ABL2: variants seen among roughly 807,000 people sequenced by gnomAD.
ABL2 encodes ABL proto-oncogene 2, non-receptor tyrosine kinase.
A neutral mutation model predicts 107.7 loss-of-function variants in ABL2; 49 were observed. The observed-to-expected ratio is 0.45, with a 90% CI of 0.36 to 0.58. The LOEUF is 0.58. Among genes scored for constraint, ABL2 ranks in the 20% least tolerant of loss-of-function variants. The pLI, the probability that ABL2 is intolerant of heterozygous loss-of-function variation, is 0.00. For missense variants in ABL2, 1,245 were observed against 1,457.0 expected, an observed-to-expected ratio of 0.85 and a Z score of 2.37; for synonymous variants, 549 against 548.6, an observed-to-expected ratio of 1.00 and a Z score of -0.01.
rs1038228970 is a variant in ABL2, at chr1:179,107,359, G to C, written c.*359C>G. 28 of 275,780 alleles carry C rather than the reference G, an allele frequency of 1.0e-4. No individual in the cohort carries two copies. Among genetic ancestry groups the C allele is most frequent in the Non-Finnish European group, 1.7e-4 (25 of 144,110 alleles). 17.1% of individuals were successfully genotyped at this position (275,780 alleles called of 1,614,324 possible). ...AGTACCTACCAGAGCCCCAGGTCTG[G>C]GTGCAGCTGCTGCAGTCTTGCTGAG... is the stretch of plus-strand genomic sequence containing the variant. On this transcript the variant is annotated 3_prime_UTR_variant, in exon 12 of 12. Coordinates refer to ENST00000502732, the MANE Select transcript of ABL2 (RefSeq NM_007314.4).
In ABL2 at chr1:179,100,235, C is replaced by T. The variant is rs751624065; in HGVS notation, c.*7483G>A. On this transcript the variant is annotated 3_prime_UTR_variant, in exon 12 of 12. Transcript: ENST00000502732. ...GCCAAATGGCCACAGTGAGAAATTGCTGTCAAAATGGAGGAGAGCTGGTTT... is the reference window on the plus strand; with the variant it reads ...GCCAAATGGCCACAGTGAGAAATTGTTGTCAAAATGGAGGAGAGCTGGTTT... The T allele has an allele frequency of 3.1e-5, 7 of 227,752 alleles. No homozygotes were observed. Among genetic ancestry groups the T allele is most frequent in the Non-Finnish European group, 5.2e-5 (6 of 114,746 alleles). The allele number at this position is 227,752 out of a possible 1,614,324, so 14.1% of individuals were successfully genotyped here.
chr1:179,104,337 T>G lies in ABL2; in HGVS notation c.*3381A>C, dbSNP rs1220242175. The G allele has an allele frequency of 4.4e-6, 1 of 226,138 alleles. No individual in the cohort carries two copies. The highest frequency in any genetic ancestry group is 5.7e-5 in the Admixed American group (1 of 17,534). 14.0% of individuals were successfully genotyped at this position (226,138 alleles called of 1,614,324 possible). ...AAACCACTATCTATACTGCATCCTTTAAACTCAAAATCTCCATGACTTTAG... is the reference window on the plus strand; with the variant it reads ...AAACCACTATCTATACTGCATCCTTGAAACTCAAAATCTCCATGACTTTAG... On this transcript the variant is annotated 3_prime_UTR_variant, in exon 12 of 12. Transcript: ENST00000502732.
In ABL2 at chr1:179,229,646, G is replaced by GCCGCCGCCGCCA. The variant is rs1553236280; in HGVS notation, c.-250_-249insTGGCGGCGGCGG. On this transcript the variant is annotated 5_prime_UTR_variant, in exon 1 of 12. Coordinates refer to ENST00000502732, the MANE Select transcript of ABL2 (RefSeq NM_007314.4). ...CCGCGCCCCCAACGCCGCCGCCGCC[G>GCCGCCGCCGCCA]CCGCCGCCACCGCCGCCGCCATCTT... 6.1e-6 allele frequency: 3 copies of GCCGCCGCCGCCA among 495,858 alleles called. No homozygotes were observed. The highest frequency in any genetic ancestry group is 7.4e-5 in the East Asian group (2 of 26,884). 30.7% of individuals were successfully genotyped at this position (495,858 alleles called of 1,614,324 possible).
chr1:179,177,846 C>A (rs1660137265), intron 1 of ABL2, among the ~76,000 whole-genome samples: 2 of 152,170 alleles, frequency 1.3e-5, no homozygotes, highest in Admixed American at 1.3e-4. Context: ...ATTAAAATTT[C>A]TTTTCCGTAA....
Position 179,229,556 on chromosome 1 carries a change from C to G in ABL2, c.-159G>C. On this transcript the variant is annotated 5_prime_UTR_variant, in exon 1 of 12. Coordinates refer to ENST00000502732, the MANE Select transcript of ABL2 (RefSeq NM_007314.4). ...GGCGGCTCCGCACCCGGCCTCCTCA[C>G]GGCAGCCGCCGCGCTGCCTCCAGGC... 1.5e-6 allele frequency: 1 copy of G among 663,328 alleles called. No individual in the cohort carries two copies. Among genetic ancestry groups the G allele is most frequent in the Non-Finnish European group, 2.3e-6 (1 of 435,900 alleles). The allele number at this position is 663,328 out of a possible 1,614,324, so 41.1% of individuals were successfully genotyped here. A position where few individuals can be genotyped will look rare whatever the true frequency, so the allele number is the denominator to read the frequency against.
At position 179,108,493 on chromosome 1, in the gene ABL2, G is replaced by T. The variant is rs1389284651; in HGVS notation, c.2774C>A (p.Thr925Asn). Residue 925 changes from threonine (T) to asparagine (N), a missense_variant, in exon 12 of 12, where the codon ACC (threonine) becomes AAC (asparagine). Thr to Asn is a moderately conservative substitution (Grantham distance 65). Coordinates refer to ENST00000502732, the MANE Select transcript of ABL2 (RefSeq NM_007314.4). ...GACTGGCACTTTGTGGTTGTGAGTG[G>T]TTGGGAGGACGGGGGCAGCCTTGGC... ...SPAKAAPVLP[T>N]THNHKVPVLI... 1.9e-6 allele frequency: 3 copies of T among 1,614,192 alleles called. No homozygotes were observed. Among genetic ancestry groups the T allele is most frequent in the Non-Finnish European group, 2.5e-6 (3 of 1,180,032 alleles).
chr1:179,137,306 A>G (rs1377347501), intron 1 of ABL2, among the ~76,000 whole-genome samples: 1 of 152,166 alleles, frequency 6.6e-6, no homozygotes, highest in Non-Finnish European at 1.5e-5. Context: ...ACTCTAGCAG[A>G]ATTTCCACTG....
chr1:179,177,288 A>C (rs992143584), intron 1 of ABL2, among the ~76,000 whole-genome samples: 1 of 152,216 alleles, frequency 6.6e-6, no homozygotes, highest in African/African-American at 2.4e-5. Context: ...TATACTAAGC[A>C]TCCTGATTAT....
Position 179,108,265 on chromosome 1 carries a change from T to C in ABL2, c.3002A>G (p.Asp1001Gly), listed in dbSNP as rs1653651599. ...RLLQHPSICS[D>G]PTEEPTALTA... ...TAGGGCAGTTGGCTCTTCTGTAGGG[T>C]CTGAGCAGATGGACGGATGCTGCAG... The change falls in exon 12 of 12, where the codon GAC (aspartate) becomes GGC (glycine). Residue 1001 changes from aspartate to glycine, a missense_variant. By Grantham distance (94) the Asp-to-Gly change is moderately conservative. Coordinates refer to ENST00000502732, the MANE Select transcript of ABL2 (RefSeq NM_007314.4). 2 of 1,613,878 alleles carry C rather than the reference T, an allele frequency of 1.2e-6. No homozygotes were observed. Among genetic ancestry groups the C allele is most frequent in the Non-Finnish European group, 1.7e-6 (2 of 1,179,990 alleles).
At chr1:179,212,329 C>G (rs1662320689) in intron 1 of ABL2, among the ~76,000 whole-genome samples, 1 of 152,202 alleles carries the variant, frequency 6.6e-6, no homozygotes, top group Non-Finnish European at 1.5e-5. Flanking sequence ...CATTTAAATA[C>G]TACTGAGTGC....
chr1:179,121,346 C>G (rs1655175006), intron 5 of ABL2, among the ~76,000 whole-genome samples: 1 of 152,166 alleles, frequency 6.6e-6, no homozygotes, highest in Non-Finnish European at 1.5e-5. Flanking sequence ...TTCTAACCTC[C>G]CACTAAGATC....
intron 1 of ABL2, among the ~76,000 whole-genome samples, chr1:179,172,835 G>A (rs777917999): frequency 2.0e-5 from 3 of 152,090 alleles, no homozygotes; most frequent in Non-Finnish European, 4.4e-5. Flanking sequence ...AGAATATTAT[G>A]TGGTACTTTG....
chr1:179,163,377 T>C (rs149458271), intron 1 of ABL2, among the ~76,000 whole-genome samples: 7 of 152,298 alleles, frequency 4.6e-5, no homozygotes, highest in African/African-American at 1.7e-4. Flanking sequence ...TTCTTGAGTA[T>C]TTACACTGGA....
rs372913661 is a variant in ABL2, at chr1:179,108,577, G to A, written c.2690C>T (p.Ala897Val). 4 of 1,613,686 alleles carry A rather than the reference G, an allele frequency of 2.5e-6. No individual in the cohort carries two copies. The highest frequency in any genetic ancestry group is 1.3e-5 in the African/African-American group (1 of 74,894). The change falls in exon 12 of 12, where the codon GCA (alanine) becomes GTA (valine). Residue 897 changes from alanine (A) to valine (V), a missense_variant. Coordinates refer to ENST00000502732, the MANE Select transcript of ABL2 (RefSeq NM_007314.4). ...APKGKEKNGG[A>V]RLGMAGVPED... is the part of the protein sequence containing the mutation. ...TGGAACTCCAGCCATCCCAAGTCGTGCCCCACCATTCTTCTCTTTACCCTT... is the reference window on the plus strand; with the variant it reads ...TGGAACTCCAGCCATCCCAAGTCGTACCCCACCATTCTTCTCTTTACCCTT...
intron 1 of ABL2, chr1:179,184,365 G>T: frequency 2.9e-6 from 2 of 690,478 alleles, no homozygotes; most frequent in Non-Finnish European, 4.9e-6. Flanking sequence ...AGCTGGAAAG[G>T]ATGCGATGAA....
rs199943477 is a variant in ABL2 at position 179,121,881 on chromosome 1, G to C, written c.688-14C>G. Reference sequence around the variant, plus strand: ...AGTCACATACACCTGGTAAGAAAAGGAGAAAAGCTAAACAACTTGAAAAGA... The same window carrying C: ...AGTCACATACACCTGGTAAGAAAAGCAGAAAAGCTAAACAACTTGAAAAGA... On this transcript the variant is annotated splice_polypyrimidine_tract_variant and intron_variant, in intron 4 of 11. Transcript: ENST00000502732. 2.6e-6 allele frequency: 4 copies of C among 1,516,658 alleles called. No homozygotes were observed. The highest frequency in any genetic ancestry group is 2.8e-5 in the African/African-American group (2 of 70,348). The allele number at this position is 1,516,658 out of a possible 1,614,324, so 94.0% of individuals were successfully genotyped here.
chr1:179,136,696 G>A (rs1297779399), intron 1 of ABL2, among the ~76,000 whole-genome samples: 2 of 111,552 alleles, frequency 1.8e-5, no homozygotes, highest in East Asian at 6.6e-4. Context: ...AAACACCCAA[G>A]AATGATCAAT....
chr1:179,158,290 GAAAT>G (rs1356273921), intron 1 of ABL2, among the ~76,000 whole-genome samples: 1 of 152,160 alleles, frequency 6.6e-6, no homozygotes, highest in Non-Finnish European at 1.5e-5. Context: ...GAATGGGAGA[GAAAT>G]AATACATAAC....
chr1:179,118,890 C>A (rs1449585982), intron 6 of ABL2, 126 bp from the exon 7 acceptor site: 6 of 987,240 alleles, frequency 6.1e-6, no homozygotes. Context: ...CTTCTTACCA[C>A]CACGTTCTCT....
Sources: allele counts gnomAD v4.1 joint callset (sites outside exome capture counted in the v4.1 genomes callset), GRCh38; gene constraint gnomAD v4.1.1; transcripts MANE v1.5; gene names NCBI Gene and HGNC (gene_info 2026-07-23, HGNC 2026-07-21).